The following IGF1R variants were observed in gnomAD, a reference collection of about 807,000 sequenced individuals.
IGF1R encodes insulin-like growth factor 1 receptor.
In IGF1R, 44 loss-of-function variants were observed where a neutral mutation model predicts 144.6. That is an observed-to-expected ratio of 0.30 (90% confidence interval 0.24 to 0.39). The LOEUF is 0.39. IGF1R is among the 10% of genes least tolerant of loss of function. The pLI, the probability that IGF1R is intolerant of heterozygous loss-of-function variation, is 1.00. For synonymous variants in IGF1R, 795 were observed against 722.8 expected (o/e 1.10, Z -1.60); for missense variants, 1,355 against 1,833.7 (o/e 0.74, Z 4.77).
At chr15:98,745,571 TC>T (rs1460818576) in intron 2 of IGF1R, among the ~76,000 whole-genome samples, 1 of 152,232 alleles carries the variant, frequency 6.6e-6, no homozygotes, top group Admixed American at 6.5e-5. Flanking sequence ...ACAGGACACC[TC>T]TGTGGTTTTG....
At chr15:98,914,713 A>T (rs2015167896) in intron 8 of IGF1R, among the ~76,000 whole-genome samples, 1 of 152,208 alleles carries the variant, frequency 6.6e-6, no homozygotes, top group African/African-American at 2.4e-5. Flanking sequence ...CCTTTCCACA[A>T]AGATGGAAAC....
rs76014895 is a variant in IGF1R, at chr15:98,963,181, T to C, written c.*5739T>C. ...AAATAATTTAAAGACACTTTTTTTT[T>C]CTCTGTGTGTGCAAATGTGTGTTTG... On this transcript the variant is annotated 3_prime_UTR_variant, in exon 21 of 21. Transcript: ENST00000650285. 5.4e-4 allele frequency: 125 copies of C among 232,436 alleles called. 2 individuals carry two copies. The highest frequency in any genetic ancestry group is 2.1e-3 in the East Asian group (34 of 16,510). The allele number at this position is 232,436 out of a possible 1,614,324, so 14.4% of individuals were successfully genotyped here. A position where few individuals can be genotyped will look rare whatever the true frequency, so the allele number is the denominator to read the frequency against.
At chr15:98,837,247 G>GT (rs1162508202) in intron 2 of IGF1R, among the ~76,000 whole-genome samples, 1 of 151,912 alleles carries the variant, frequency 6.6e-6, no homozygotes, top group South Asian at 2.1e-4. Flanking sequence ...TTGTTTGTTT[G>GT]TTTTTTTGTT....
At chr15:98,759,242 T>A (rs1012977023) in intron 2 of IGF1R, among the ~76,000 whole-genome samples, 3 of 152,356 alleles carry the variant, frequency 2.0e-5, no homozygotes, top group Admixed American at 2.0e-4. Context: ...TTGAGGGTAT[T>A]GCCATCTGTA....
intron 2 of IGF1R, among the ~76,000 whole-genome samples, chr15:98,758,363 C>G (rs895978368): frequency 6.6e-6 from 1 of 152,166 alleles, no homozygotes; most frequent in African/African-American, 2.4e-5. Flanking sequence ...CACCCTCCCT[C>G]AGGCTCCTGC....
At chr15:98,736,940 A>G (rs1364919178) in intron 2 of IGF1R, among the ~76,000 whole-genome samples, 1 of 152,020 alleles carries the variant, frequency 6.6e-6, no homozygotes, top group Non-Finnish European at 1.5e-5. Context: ...GAGAACAACA[A>G]TTCACCACAC....
intron 1 of IGF1R, among the ~76,000 whole-genome samples, chr15:98,698,448 T>A (rs972089640): frequency 2.0e-5 from 3 of 152,246 alleles, no homozygotes; most frequent in Non-Finnish European, 4.4e-5. Flanking sequence ...TACCCATTAA[T>A]AACTCCCATT....
chr15:98,771,446 T>G (rs188148717), intron 2 of IGF1R, among the ~76,000 whole-genome samples: 6 of 152,212 alleles, frequency 3.9e-5, no homozygotes, highest in Non-Finnish European at 8.8e-5. Flanking sequence ...TGTGCAGATA[T>G]GTGTGCTTAC....
At chr15:98,732,725 G>A (rs2054522366) in intron 2 of IGF1R, among the ~76,000 whole-genome samples, 2 of 152,222 alleles carry the variant, frequency 1.3e-5, no homozygotes, top group Non-Finnish European at 2.9e-5. Flanking sequence ...AAACAACAAA[G>A]GGTAGGAGTT....
chr15:98,926,913 A>G (rs2015743734), intron 13 of IGF1R, among the ~76,000 whole-genome samples: 3 of 152,168 alleles, frequency 2.0e-5, no homozygotes, highest in South Asian at 2.1e-4. Flanking sequence ...AGCCTTGTCC[A>G]GGGTAGTGGC....
At position 98,891,261 on chromosome 15, in the gene IGF1R, A is replaced by G. The variant is rs2013894993; in HGVS notation, c.641-64A>G. 1 of 1,493,448 alleles carries G rather than the reference A, an allele frequency of 6.7e-7. No homozygotes were observed. Among genetic ancestry groups the G allele is most frequent in the African/African-American group, 1.4e-5 (1 of 72,514 alleles). 92.5% of individuals were successfully genotyped at this position (1,493,448 alleles called of 1,614,324 possible). A position where few individuals can be genotyped will look rare whatever the true frequency, so the allele number is the denominator to read the frequency against. ...TGAATGACCCAGAAGGATGCTGGCC[A>G]GGCCCAGAGAAGGCGGTGCCTCCCC... is the stretch of plus-strand genomic sequence containing the variant. On this transcript the variant is annotated intron_variant, in intron 2 of 20. Coordinates refer to ENST00000650285, the MANE Select transcript of IGF1R (RefSeq NM_000875.5). The surrounding 1 kb of genome is among the most constrained non-coding windows in gnomAD (Gnocchi z 4.7).
intron 15 of IGF1R, among the ~76,000 whole-genome samples, chr15:98,933,833 C>T (rs1487720165): frequency 6.6e-6 from 1 of 152,142 alleles, no homozygotes; most frequent in African/African-American, 2.4e-5. Context: ...ACCACCGGGT[C>T]TCTCCCTCAG....
At position 98,960,292 on chromosome 15, in the gene IGF1R, C is replaced by T. The variant is rs980482241; in HGVS notation, c.*2850C>T. The T allele has an allele frequency of 3.0e-5, 7 of 231,104 alleles. No homozygotes were observed. The highest frequency in any genetic ancestry group is 1.3e-4 in the African/African-American group (6 of 45,014). The allele number at this position is 231,104 out of a possible 1,614,324, so 14.3% of individuals were successfully genotyped here. On this transcript the variant is annotated 3_prime_UTR_variant, in exon 21 of 21. Transcript: ENST00000650285. ...TTCTGAGATGTCCTGTTTTGTGTTG[C>T]TTTTTTTGTTTTGTTTTCTATCTTG...
At chr15:98,723,717 A>G (rs917787562) in intron 2 of IGF1R, among the ~76,000 whole-genome samples, 3 of 152,224 alleles carry the variant, frequency 2.0e-5, no homozygotes, top group African/African-American at 7.2e-5. Flanking sequence ...AGAAGCTAAC[A>G]TCCCCGGGCC....
At chr15:98,851,109 C>G (rs143328173) in intron 2 of IGF1R, among the ~76,000 whole-genome samples, 10 of 152,250 alleles carry the variant, frequency 6.6e-5, no homozygotes, top group African/African-American at 2.4e-4. Flanking sequence ...AGTGGCCTCT[C>G]CCGGGCAGGC....
intron 2 of IGF1R, among the ~76,000 whole-genome samples, chr15:98,722,474 A>G (rs1343207885): frequency 1.3e-5 from 2 of 152,198 alleles, no homozygotes; most frequent in Non-Finnish European, 2.9e-5. Context: ...TGTGGAGTAT[A>G]CTATTTTGTA....
rs2052272153 is a variant in IGF1R, at chr15:98,649,105, G to C, written c.-477G>C. 1 of 218,816 alleles carries C rather than the reference G, an allele frequency of 4.6e-6. No homozygotes were observed. The highest frequency in any genetic ancestry group is 9.2e-6 in the Non-Finnish European group (1 of 109,068). 13.6% of individuals were successfully genotyped at this position (218,816 alleles called of 1,614,324 possible). On this transcript the variant is annotated 5_prime_UTR_variant, in exon 1 of 21. Coordinates refer to ENST00000650285, the MANE Select transcript of IGF1R (RefSeq NM_000875.5). ...TCTGCCCCTCGCCGGCCTCGCCTGT[G>C]ACCCGGACTTCGGGGCGATCTTGCG... is the stretch of plus-strand genomic sequence containing the variant.
At chr15:98,765,889 G>T (rs377462027) in intron 2 of IGF1R, among the ~76,000 whole-genome samples, 1 of 152,200 alleles carries the variant, frequency 6.6e-6, no homozygotes, top group South Asian at 2.1e-4. Context: ...AGATGGGTCA[G>T]TGTTGTCCTG....
chr15:98,952,694 C>G (rs1418834557), intron 20 of IGF1R: 1 of 152,140 alleles, frequency 6.6e-6, no homozygotes, highest in Non-Finnish European at 1.5e-5. Context: ...TGGGCTTTTA[C>G]TATTAATGTA....
Sources: allele counts gnomAD v4.1 joint callset (sites outside exome capture counted in the v4.1 genomes callset), GRCh38; gene constraint gnomAD v4.1.1; non-coding constraint Gnocchi (gnomAD v3.1); transcripts MANE v1.5; gene names NCBI Gene and HGNC (gene_info 2026-07-23, HGNC 2026-07-21).